The following SH3BP2 variants were observed in gnomAD, a reference collection of about 807,000 sequenced individuals.
SH3BP2 encodes the protein SH3 domain-binding protein 2.
SH3BP2 carries 38 observed loss-of-function variants against 56.2 expected under a neutral mutation model. The observed-to-expected ratio is 0.68, with a 90% CI of 0.52 to 0.89. SH3BP2 has a LOEUF of 0.89. SH3BP2 is among the 40% of genes least tolerant of loss of function. The probability of loss-of-function intolerance (pLI) is 0.00; values close to 1 mark genes in which losing one functional copy is unlikely to be tolerated. For synonymous variants in SH3BP2, 346 were observed against 316.7 expected, an observed-to-expected ratio of 1.09 and a Z score of -0.98; for missense variants, 748 against 762.6, an observed-to-expected ratio of 0.98 and a Z score of 0.23.
intron 3 of SH3BP2, chr4:2,823,438 G>T (rs777324831): frequency 2.2e-6 from 1 of 460,306 alleles, no homozygotes; most frequent in South Asian, 1.5e-5. Flanking sequence ...CCAAACAGAG[G>T]CTGGGCCCTA....
intron 1 of SH3BP2, among the ~76,000 whole-genome samples, chr4:2,795,673 G>A (rs1442903286): frequency 1.3e-5 from 2 of 152,176 alleles, no homozygotes; most frequent in Non-Finnish European, 2.9e-5. Flanking sequence ...CAGGAGGAGG[G>A]ATCTGAGCCG....
intron 1 of SH3BP2, among the ~76,000 whole-genome samples, chr4:2,813,708 G>C (rs1255905317): frequency 2.0e-5 from 3 of 152,208 alleles, no homozygotes. Context: ...GCATGAGTGA[G>C]TGTGATGAAT....
At chr4:2,826,706 G>C (rs574019713) in intron 5 of SH3BP2, 152 of 359,464 alleles carry the variant, frequency 4.2e-4, no homozygotes, top group African/African-American at 3.1e-3. Context: ...GTGTGTGTGT[G>C]CATGTCCGCA....
Position 2,832,978 on chromosome 4 carries a change from T to C in SH3BP2, c.1489-12T>C. The C allele has an allele frequency of 1.2e-6, 2 of 1,614,152 alleles. No homozygotes were observed. The highest frequency in any genetic ancestry group is 1.7e-6 in the Non-Finnish European group (2 of 1,179,986). ...CTCAGGGAGCCGTCAGCCTCCCGCTTCCGTCCTGTAGGTCCTGGTTGTGTG... is the reference window on the plus strand; with the variant it reads ...CTCAGGGAGCCGTCAGCCTCCCGCTCCCGTCCTGTAGGTCCTGGTTGTGTG... On this transcript the variant is annotated splice_polypyrimidine_tract_variant and intron_variant, in intron 11 of 12. Coordinates refer to ENST00000503393, the MANE Select transcript of SH3BP2 (RefSeq NM_001122681.2).
intron 1 of SH3BP2, chr4:2,818,944 T>A (rs1357560216): frequency 1.0e-6 from 1 of 970,162 alleles, no homozygotes; most frequent in Non-Finnish European, 1.2e-6. Context: ...ATTTTGTTTT[T>A]AATTTTTTAA....
chr4:2,818,219 C>A (rs190875365), intron 1 of SH3BP2: 24 of 987,008 alleles, frequency 2.4e-5, no homozygotes, highest in Non-Finnish European at 2.9e-5. Flanking sequence ...CCAGGGCCGG[C>A]GGGCATGGCG....
chr4:2,831,582 C>A lies in SH3BP2; in HGVS notation c.1253C>A (p.Pro418His), dbSNP rs121909146. The change falls in exon 9 of 13, where the codon CCC becomes CAC. Residue 418 changes from proline (P) to histidine (H), a missense_variant. This residue lies in a region of SH3BP2 where 635 missense variants were observed against 615.0 expected (regional missense o/e 1.03). Transcript: ENST00000503393. The surrounding 1 kb of genome is among the most constrained non-coding windows in gnomAD (Gnocchi z 4.1). ...PQLPHLQRSP[P>H]DGQSFRSFSF... is the part of the protein sequence containing the mutation. ...CCCTGCCCCTCCAGGCGATCACCCC[C>A]CGATGGGCAGAGTTTCAGGAGCTTC... The A allele has an allele frequency of 6.3e-7, 1 of 1,588,300 alleles. No individual in the cohort carries two copies. The highest frequency in any genetic ancestry group is 1.3e-5 in the African/African-American group (1 of 74,370).
rs1308700162 is a variant in SH3BP2 at position 2,834,408 on chromosome 4, T to C, written c.*574T>C. ...AACCCCAACAGTTGGTTGTCTTGTC[T>C]TCCAGGGTGCAGGTCACTGAGTGAC... is the stretch of plus-strand genomic sequence containing the variant. On this transcript the variant is annotated 3_prime_UTR_variant, in exon 13 of 13. Transcript: ENST00000503393. The C allele has an allele frequency of 1.3e-5, 2 of 153,622 alleles. No individual in the cohort carries two copies. Among genetic ancestry groups the C allele is most frequent in the African/African-American group, 4.8e-5 (2 of 41,466 alleles). 9.5% of individuals were successfully genotyped at this position (153,622 alleles called of 1,614,324 possible).
Position 2,810,156 on chromosome 4 carries a change from A to G in SH3BP2, c.-4-10458A>G, listed in dbSNP as rs1256423835. Among the ~76,000 whole-genome samples, 2 of 152,128 alleles carry G rather than the reference A, an allele frequency of 1.3e-5. No homozygotes were observed. The highest frequency in any genetic ancestry group is 3.9e-4 in the East Asian group (2 of 5,168). ...ATTGAGAGAGCAATTGGAGAAGCTAAGGCCCAGAGAGGAGGGGTCTGCAGA... is the reference window on the plus strand; with the variant it reads ...ATTGAGAGAGCAATTGGAGAAGCTAGGGCCCAGAGAGGAGGGGTCTGCAGA... On this transcript the variant is annotated intron_variant, in intron 1 of 12. Coordinates refer to ENST00000503393, the MANE Select transcript of SH3BP2 (RefSeq NM_001122681.2). The surrounding 1 kb of genome is among the most constrained non-coding windows in gnomAD (Gnocchi z 4.2).
intron 11 of SH3BP2, among the ~76,000 whole-genome samples, chr4:2,832,674 C>T (rs1021358021): frequency 2.6e-5 from 4 of 152,226 alleles, no homozygotes; most frequent in African/African-American, 9.6e-5. Context: ...GTGGCGGAGG[C>T]CACATGGGGC....
chr4:2,830,246 T>A, intron 8 of SH3BP2, 99 bp downstream of exon 8: 1 of 1,204,022 alleles, frequency 8.3e-7, no homozygotes, highest in African/African-American at 1.5e-5. Flanking sequence ...CTGGCACTCT[T>A]AGCCCACGAC....
Position 2,836,842 on chromosome 4 carries a change from G to C in SH3BP2, c.*3008G>C, listed in dbSNP as rs1725250087. 6.6e-6 allele frequency: 1 copy of C among 152,218 alleles called. No individual in the cohort carries two copies. Among genetic ancestry groups the C allele is most frequent in the African/African-American group, 2.4e-5 (1 of 41,448 alleles). The allele number at this position is 152,218 out of a possible 1,614,324, so 9.4% of individuals were successfully genotyped here. ...CTCATTTTATAGATAGGGAAACTGA[G>C]GCTTTGGGAGGACTCACTGACATAC... On this transcript the variant is annotated 3_prime_UTR_variant, in exon 13 of 13. Transcript: ENST00000503393.
intron 8 of SH3BP2, among the ~76,000 whole-genome samples, chr4:2,830,408 C>T (rs1235712126): frequency 6.6e-6 from 1 of 152,220 alleles, no homozygotes; most frequent in Non-Finnish European, 1.5e-5. Context: ...GGCAACCAAG[C>T]TGGAGTGCAG....
At position 2,829,415 on chromosome 4, in the gene SH3BP2, C is replaced by T. The variant is rs1489542243; in HGVS notation, c.587-78C>T. ...ACCATGGGTTGCACTCCTGGTTGGC[C>T]TGGCTGACCACTGCCAGCAGAGGAT... On this transcript the variant is annotated intron_variant, in intron 7 of 12. Coordinates refer to ENST00000503393, the MANE Select transcript of SH3BP2 (RefSeq NM_001122681.2). The surrounding 1 kb of genome is among the most constrained non-coding windows in gnomAD (Gnocchi z 4.9). 11 of 1,528,272 alleles carry T rather than the reference C, an allele frequency of 7.2e-6. No individual in the cohort carries two copies. In the East Asian group the frequency reaches 1.3e-4, roughly 19 times the overall value. The allele number at this position is 1,528,272 out of a possible 1,614,324, so 94.7% of individuals were successfully genotyped here. A position where few individuals can be genotyped will look rare whatever the true frequency, so the allele number is the denominator to read the frequency against.
chr4:2,803,302 C>G (rs1006705516), intron 1 of SH3BP2, among the ~76,000 whole-genome samples: 1 of 152,216 alleles, frequency 6.6e-6, no homozygotes, highest in Non-Finnish European at 1.5e-5. Flanking sequence ...GCATGCCACC[C>G]CAGCAGGAGC....
chr4:2,832,195 G>T (rs926507248), intron 10 of SH3BP2, 136 bp from the exon 11 acceptor site: 9 of 1,002,728 alleles, frequency 9.0e-6, no homozygotes, highest in Non-Finnish European at 1.3e-5. Flanking sequence ...TCAGCCTCAC[G>T]GCAGCCCGAC....
At position 2,794,867 on chromosome 4, in the gene SH3BP2, C is replaced by T. The variant is rs181367900; in HGVS notation, c.-5+1729C>T. ...GGATGCACGCACACAAGCAGGCCCA[C>T]AGACGGGAAGTCCAGGGGCCCAGAG... On this transcript the variant is annotated intron_variant, in intron 1 of 12. Coordinates refer to ENST00000503393, the MANE Select transcript of SH3BP2 (RefSeq NM_001122681.2). Among the ~76,000 whole-genome samples the T allele has an allele frequency of 3.6e-4, 55 of 152,338 alleles. 1 individual carries two copies. The highest frequency in any genetic ancestry group is 1.3e-3 in the African/African-American group (53 of 41,588).
At chr4:2,805,241 G>A (rs775586125) in intron 1 of SH3BP2, among the ~76,000 whole-genome samples, 2 of 152,212 alleles carry the variant, frequency 1.3e-5, no homozygotes, top group African/African-American at 2.4e-5. Context: ...TGGTGTGGGC[G>A]TGGGGTGTCC....
At chr4:2,799,300 A>G (rs886982582) in intron 1 of SH3BP2, 4 of 985,258 alleles carry the variant, frequency 4.1e-6, no homozygotes, top group African/African-American at 3.5e-5. Flanking sequence ...GCAGCTGCCT[A>G]ATGAGGTGGG....
Sources: gnomAD v4.1 joint callset for allele counts (sites outside exome capture counted in the v4.1 genomes callset) on GRCh38, gnomAD v4.1.1 for gene constraint, gnomAD v4.1.1 regional missense constraint, Gnocchi (gnomAD v3.1) non-coding constraint, MANE v1.5 for transcripts, NCBI Gene and HGNC (gene_info 2026-07-23, HGNC 2026-07-21) for gene names.